The following SNX2 variants were observed in gnomAD, a reference collection of about 807,000 sequenced individuals.
SNX2 encodes the protein sorting nexin-2.
Under a neutral mutation model 69.9 loss-of-function variants are expected in SNX2, and 25 were observed. The ratio of observed to expected loss-of-function variants is 0.36; its 90% confidence interval spans 0.26 to 0.50. The LOEUF is 0.50. SNX2 is among the 20% of genes least tolerant of loss of function. The probability of loss-of-function intolerance (pLI) is 0.97; values close to 1 mark genes in which losing one functional copy is unlikely to be tolerated. For missense variants in SNX2, 551 were observed against 613.3 expected (o/e 0.90, Z 1.07); for synonymous variants, 229 against 200.4 (o/e 1.14, Z -1.20).
chr5:122,829,011 C>G (rs1483910635), intron 14 of SNX2, among the ~76,000 whole-genome samples: 1 of 151,912 alleles, frequency 6.6e-6, no homozygotes, highest in Non-Finnish European at 1.5e-5. Context: ...CCCAGCTACT[C>G]AGGAGGCTGA....
chr5:122,777,123 G>A (rs1423712842), intron 1 of SNX2, among the ~76,000 whole-genome samples: 2 of 152,074 alleles, frequency 1.3e-5, no homozygotes, highest in African/African-American at 2.4e-5. Flanking sequence ...TGTTCTTTCA[G>A]TACTTCACTT....
In SNX2 at chr5:122,817,339, T is replaced by C. The variant is rs1561470864; in HGVS notation, c.972T>C (p.His324=). 2.5e-6 allele frequency: 4 copies of C among 1,613,886 alleles called. No homozygotes were observed. In the Admixed American group the frequency reaches 6.7e-5, roughly 27 times the overall value. ...ENLDQQLRKL[H]VSVEALVCHR... ...TGGATCAGCAACTTAGGAAACTTCA[T>C]GTCAGTGTTGAAGCCTTGGTCTGTC... Residue 324 remains histidine, a synonymous_variant, in exon 10 of 15, where the codon CAT becomes CAC. Coordinates refer to ENST00000379516, the MANE Select transcript of SNX2 (RefSeq NM_003100.4).
chr5:122,813,872 C>G (rs1753838830), intron 7 of SNX2, among the ~76,000 whole-genome samples: 2 of 147,006 alleles, frequency 1.4e-5, no homozygotes. Context: ...CTCCTGGGTT[C>G]AAGCAATTCT....
chr5:122,777,101 G>C (rs1375860381), intron 1 of SNX2, among the ~76,000 whole-genome samples: 1 of 151,938 alleles, frequency 6.6e-6, no homozygotes, highest in Non-Finnish European at 1.5e-5. Flanking sequence ...TACCAAAACT[G>C]CTTTAAAGGA....
At chr5:122,790,401 G>A (rs983963716) in intron 1 of SNX2, among the ~76,000 whole-genome samples, 1 of 152,166 alleles carries the variant, frequency 6.6e-6, no homozygotes, top group Non-Finnish European at 1.5e-5. Context: ...GATTACAGGC[G>A]TGAGCCACCG....
chr5:122,794,814 G>A (rs912850462), intron 1 of SNX2, among the ~76,000 whole-genome samples: 7 of 151,992 alleles, frequency 4.6e-5, no homozygotes, highest in African/African-American at 1.7e-4. Context: ...TTGAACTCAG[G>A]AGTTCAAGCT....
At position 122,831,798 on chromosome 5, in the gene SNX2, G is replaced by A. The variant is rs1754296363; in HGVS notation, c.*2150G>A. Among the ~76,000 whole-genome samples the A allele has an allele frequency of 6.6e-6, 1 of 152,100 alleles. No individual in the cohort carries two copies. The highest frequency in any genetic ancestry group is 1.5e-5 in the Non-Finnish European group (1 of 68,016). ...AGTTATTATTAAAATCTTCCATTCA[G>A]ATGTGGTACATTAGAATATTCAGTA... On this transcript the variant is annotated 3_prime_UTR_variant, in exon 15 of 15. Transcript: ENST00000379516.
chr5:122,808,416 C>A, intron 7 of SNX2, 61 bp downstream of exon 7: 1 of 1,204,358 alleles, frequency 8.3e-7, no homozygotes, highest in South Asian at 1.4e-5. Flanking sequence ...AAATGTAATT[C>A]CATTATATGG....
intron 11 of SNX2, among the ~76,000 whole-genome samples, chr5:122,825,824 T>G (rs1300366496): frequency 6.6e-6 from 1 of 152,098 alleles, no homozygotes; most frequent in Admixed American, 6.5e-5. Context: ...GAATGTAGTT[T>G]TTATTCTGAA....
chr5:122,785,830 T>C (rs1753073000), intron 1 of SNX2, among the ~76,000 whole-genome samples: 1 of 152,178 alleles, frequency 6.6e-6, no homozygotes, highest in South Asian at 2.1e-4. Flanking sequence ...GTGTGCACTT[T>C]TGAAAAGAAT....
Position 122,818,798 on chromosome 5 carries a change from T to C in SNX2, c.1007-20T>C. The C allele has an allele frequency of 1.2e-6, 2 of 1,601,482 alleles. No individual in the cohort carries two copies. The highest frequency in any genetic ancestry group is 1.7e-6 in the Non-Finnish European group (2 of 1,174,306). On this transcript the variant is annotated intron_variant, in intron 10 of 14. Coordinates refer to ENST00000379516, the MANE Select transcript of SNX2 (RefSeq NM_003100.4). ...TTTATGAGTGAACACTAAAATTGCA[T>C]ACTTTTTTTTAAATTTCAGAACTTT...
chr5:122,777,323 C>T lies in SNX2; in HGVS notation c.108+2112C>T, dbSNP rs115832765. Among the ~76,000 whole-genome samples, 583 of 152,132 alleles carry T rather than the reference C, an allele frequency of 3.8e-3. 2 individuals carry two copies. The highest frequency in any genetic ancestry group is 0.013 in the African/African-American group (546 of 41,464). On this transcript the variant is annotated intron_variant, in intron 1 of 14. Coordinates refer to ENST00000379516, the MANE Select transcript of SNX2 (RefSeq NM_003100.4). ...CGGATTCTGTAGGACTGGGTAGAAC[C>T]CAGTATTCTGCATTTTTAACACGCT... is the stretch of plus-strand genomic sequence containing the variant.
intron 2 of SNX2, among the ~76,000 whole-genome samples, chr5:122,798,624 C>CTTG (rs1753439049): frequency 6.6e-6 from 1 of 152,180 alleles, no homozygotes. Flanking sequence ...TCCTTGAGGT[C>CTTG]CTGCCTTCCT....
chr5:122,814,715 A>G (rs1753861609), intron 7 of SNX2, among the ~76,000 whole-genome samples: 2 of 152,070 alleles, frequency 1.3e-5, no homozygotes, highest in Admixed American at 6.5e-5. Context: ...CTGAAATATT[A>G]CTGCATATGG....
rs551825814 is a variant in SNX2, at chr5:122,827,209, A to AT, written c.1357-167dup. The AT allele has an allele frequency of 1.2e-4, 70 of 595,090 alleles. No individual in the cohort carries two copies. The South Asian group carries it at 1.5e-3, about 13-fold the overall frequency. The allele number at this position is 595,090 out of a possible 1,614,324, so 36.9% of individuals were successfully genotyped here. ...ATTAAAGGAAATTAAGCTAACATGCATTTCTATTGGTTGACAGTTAAATGC... is the reference window on the plus strand; with the variant it reads ...ATTAAAGGAAATTAAGCTAACATGCATTTTCTATTGGTTGACAGTTAAATGC... On this transcript the variant is annotated intron_variant, in intron 12 of 14. Transcript: ENST00000379516.
At chr5:122,800,573 G>C (rs1435699720) in intron 3 of SNX2, among the ~76,000 whole-genome samples, 2 of 152,168 alleles carry the variant, frequency 1.3e-5, no homozygotes, top group Admixed American at 1.3e-4. Context: ...GTAAAGAATG[G>C]GTAGTAACTG....
In SNX2 at chr5:122,832,008, T is replaced by A. The variant is rs1754301716; in HGVS notation, c.*2360T>A. Among the ~76,000 whole-genome samples the A allele has an allele frequency of 6.6e-6, 1 of 152,202 alleles. No homozygotes were observed. Among genetic ancestry groups the A allele is most frequent in the Admixed American group, 6.5e-5 (1 of 15,278 alleles). ...ATTATTTCAACACTTCACCCATCAA[T>A]CTTCACTTCTCCTGTTCAGATAAAA... On this transcript the variant is annotated 3_prime_UTR_variant, in exon 15 of 15. Coordinates refer to ENST00000379516, the MANE Select transcript of SNX2 (RefSeq NM_003100.4).
chr5:122,791,902 A>G (rs189482710), intron 1 of SNX2, among the ~76,000 whole-genome samples: 47 of 152,360 alleles, frequency 3.1e-4, no homozygotes, highest in Middle Eastern at 3.4e-3. Context: ...CGTGCAGTCT[A>G]TAAAACAGAT....
At chr5:122,797,485 T>C (rs116133998) in intron 2 of SNX2, among the ~76,000 whole-genome samples, 4,194 of 152,306 alleles carry the variant, frequency 0.028, 75 homozygotes, top group Middle Eastern at 0.058. Flanking sequence ...TTTGTATGAA[T>C]GAATGAGTAT....
Sources: allele counts gnomAD v4.1 joint callset (sites outside exome capture counted in the v4.1 genomes callset), GRCh38; gene constraint gnomAD v4.1.1; transcripts MANE v1.5; gene names NCBI Gene and HGNC (gene_info 2026-07-23, HGNC 2026-07-21).